Variants in KCND3 observed in about 807,000 individuals in gnomAD.
KCND3 encodes potassium voltage-gated channel subfamily D member 3.
KCND3 carries 9 observed loss-of-function variants against 51.1 expected under a neutral mutation model. That is an observed-to-expected ratio of 0.18 (90% CI 0.11 to 0.31). KCND3 has a LOEUF of 0.31. Ranked by LOEUF, KCND3 falls within the 10% of genes least tolerant of loss-of-function variation. The pLI, the probability that KCND3 is intolerant of heterozygous loss-of-function variation, is 1.00. For missense variants in KCND3, 526 were observed against 903.8 expected (o/e 0.58, Z 5.36); for synonymous variants, 349 against 368.0 (o/e 0.95, Z 0.59).
At position 111,855,643 on chromosome 1, in the gene KCND3, A is replaced by C. The variant is rs567869038; in HGVS notation, c.1107-68537T>G. Among the ~76,000 whole-genome samples the C allele has an allele frequency of 3.3e-5, 5 of 152,284 alleles. No individual in the cohort carries two copies. The South Asian group carries it at 1.0e-3, about 32-fold the overall frequency. Reference sequence around the variant, plus strand: ...GGTCAGAGTCAGCATCCTGTTCTCTATATGGGTCTAGGAGGACCATATCTC... The same window carrying C: ...GGTCAGAGTCAGCATCCTGTTCTCTCTATGGGTCTAGGAGGACCATATCTC... On this transcript the variant is annotated intron_variant, in intron 2 of 7. Transcript: ENST00000302127.
intron 2 of KCND3, among the ~76,000 whole-genome samples, chr1:111,925,014 G>A (rs189106751): frequency 7.9e-5 from 12 of 152,264 alleles, no homozygotes; most frequent in Admixed American, 7.2e-4. Flanking sequence ...ACCTATCCAG[G>A]GACTAGCACT....
intron 2 of KCND3, among the ~76,000 whole-genome samples, chr1:111,924,397 A>G (rs1382597355): frequency 6.6e-6 from 1 of 152,214 alleles, no homozygotes; most frequent in Admixed American, 6.5e-5. Flanking sequence ...CTGTTGAGAG[A>G]AGCAGAGATG....
intron 2 of KCND3, among the ~76,000 whole-genome samples, chr1:111,878,217 C>A (rs74109713): frequency 0.023 from 3,515 of 152,312 alleles, 152 homozygotes; most frequent in African/African-American, 0.081. Context: ...GACTAACAGG[C>A]AGAGAAGCAT....
chr1:111,868,092 C>A (rs1277049406), intron 2 of KCND3, among the ~76,000 whole-genome samples: 1 of 152,210 alleles, frequency 6.6e-6, no homozygotes, highest in Admixed American at 6.5e-5. Flanking sequence ...CAGTAGTCCC[C>A]ACTTATCTGC....
At chr1:111,786,046 C>T (rs1299280878) in intron 3 of KCND3, among the ~76,000 whole-genome samples, 1 of 152,218 alleles carries the variant, frequency 6.6e-6, no homozygotes, top group Non-Finnish European at 1.5e-5. Context: ...TGAGATGCTG[C>T]TGAAGGGGCA....
intron 2 of KCND3, among the ~76,000 whole-genome samples, chr1:111,820,696 G>C (rs1056582046): frequency 6.6e-6 from 1 of 152,206 alleles, no homozygotes; most frequent in Non-Finnish European, 1.5e-5. Context: ...TAGAAGCTAA[G>C]AAGGTGACCT....
At chr1:111,929,789 G>A (rs777453516) in intron 2 of KCND3, among the ~76,000 whole-genome samples, 19 of 152,164 alleles carry the variant, frequency 1.2e-4, no homozygotes, top group Admixed American at 3.3e-4. Context: ...CCCAGCAGAC[G>A]CACATTGTTC....
rs572809973 is a variant in KCND3, at chr1:111,794,346, T to C, written c.1107-7240A>G. 2.0e-5 allele frequency among the ~76,000 whole-genome samples: 3 copies of C among 152,334 alleles called. No individual in the cohort carries two copies. The East Asian group carries it at 5.8e-4, about 29-fold the overall frequency. Reference sequence around the variant, plus strand: ...CCAAGCTCCCCCATCCAGTTTTGCCTGCCTCTCAGGTGGGGGCACGGCTGC... The same window carrying C: ...CCAAGCTCCCCCATCCAGTTTTGCCCGCCTCTCAGGTGGGGGCACGGCTGC... On this transcript the variant is annotated intron_variant, in intron 2 of 7. Transcript: ENST00000302127.
intron 2 of KCND3, among the ~76,000 whole-genome samples, chr1:111,975,145 T>C (rs908616133): frequency 1.3e-5 from 2 of 152,176 alleles, no homozygotes; most frequent in Non-Finnish European, 1.5e-5. Flanking sequence ...TCAGTAAATG[T>C]TGCCCGGGTT....
chr1:111,982,682 C>T lies in KCND3; in HGVS notation c.45G>A (p.Ala15=). 1.2e-6 allele frequency: 2 copies of T among 1,610,364 alleles called. No homozygotes were observed. Among genetic ancestry groups the T allele is most frequent in the Non-Finnish European group, 8.5e-7 (1 of 1,179,720 alleles). ...VAAWLPFARA[A]AIGWMPVANC... is the part of the protein sequence containing the mutation. ...TGGCCACCGGCATCCACCCGATGGC[C>T]GCAGCCCGGGCAAAAGGCAGCCAGG... Residue 15 remains alanine, a synonymous_variant, in exon 2 of 8, where the codon GCG becomes GCA. Coordinates refer to ENST00000302127, the MANE Select transcript of KCND3 (RefSeq NM_001378969.1). This position sits in a 1 kb window ranked among gnomAD's most constrained non-coding sequence, Gnocchi z 8.5.
chr1:111,781,562 C>T (rs984016359), intron 3 of KCND3, among the ~76,000 whole-genome samples: 12 of 152,184 alleles, frequency 7.9e-5, no homozygotes, highest in African/African-American at 2.9e-4. Flanking sequence ...CGCTGTCACC[C>T]AGGCTGGTGT....
intron 2 of KCND3, among the ~76,000 whole-genome samples, chr1:111,821,575 C>T (rs1203016765): frequency 6.6e-6 from 1 of 152,188 alleles, no homozygotes; most frequent in Non-Finnish European, 1.5e-5. Context: ...CACAGGGTTG[C>T]TCTGGGATTT....
chr1:111,845,615 C>G lies in KCND3; in HGVS notation c.1107-58509G>C, dbSNP rs190579260. ...TCAGAGACCAAGGAGTCATCCCTGA[C>G]TTGTTGCTGTGAGCCACGTGTGGTT... On this transcript the variant is annotated intron_variant, in intron 2 of 7. Transcript: ENST00000302127. Among the ~76,000 whole-genome samples, 428 of 152,288 alleles carry G rather than the reference C, an allele frequency of 2.8e-3. 5 individuals carry two copies. The highest frequency in any genetic ancestry group is 9.9e-3 in the African/African-American group (412 of 41,576).
intron 2 of KCND3, among the ~76,000 whole-genome samples, chr1:111,974,211 G>C (rs1674500715): frequency 1.3e-5 from 2 of 152,186 alleles, no homozygotes; most frequent in Non-Finnish European, 1.5e-5. Flanking sequence ...GTCTGAACTT[G>C]TTCTGGAGGT....
At chr1:111,796,661 CTAA>C (rs1178700418) in intron 2 of KCND3, among the ~76,000 whole-genome samples, 2 of 152,200 alleles carry the variant, frequency 1.3e-5, no homozygotes, top group African/African-American at 4.8e-5. Flanking sequence ...GGAAAAATAA[CTAA>C]TGAGTACTAG....
rs1664307755 is a variant in KCND3 at position 111,780,167 on chromosome 1, C to G, written c.1461+58G>C. The G allele has an allele frequency of 6.8e-7, 1 of 1,475,546 alleles. No individual in the cohort carries two copies. The highest frequency in any genetic ancestry group is 9.3e-7 in the Non-Finnish European group (1 of 1,078,582). The allele number at this position is 1,475,546 out of a possible 1,614,324, so 91.4% of individuals were successfully genotyped here. On this transcript the variant is annotated intron_variant, in intron 5 of 7. Transcript: ENST00000302127. The surrounding 1 kb of genome is among the most constrained non-coding windows in gnomAD (Gnocchi z 4.2). The stretch of plus-strand genomic sequence containing the variant: ...GCCCAGAGTGAAGATGTGAGTACAG[C>G]CTTAGAAAAGGGTCAGGGTCAGCGA...
chr1:111,938,522 T>G (rs1571875177), intron 2 of KCND3, among the ~76,000 whole-genome samples: 1 of 152,140 alleles, frequency 6.6e-6, no homozygotes, highest in African/African-American at 2.4e-5. Context: ...ATAACTGCTA[T>G]GAAGAACAAC....
At chr1:111,956,587 G>A (rs1386410676) in intron 2 of KCND3, among the ~76,000 whole-genome samples, 1 of 152,144 alleles carries the variant, frequency 6.6e-6, no homozygotes, top group Non-Finnish European at 1.5e-5. Flanking sequence ...TTCTTTTTCT[G>A]ATGTGCGGCA....
intron 2 of KCND3, among the ~76,000 whole-genome samples, chr1:111,881,560 T>C (rs1214774057): frequency 6.6e-6 from 1 of 152,202 alleles, no homozygotes. Flanking sequence ...ATGAATCCTC[T>C]TTGTGCTATG....
Sources: allele counts gnomAD v4.1 joint callset (sites outside exome capture counted in the v4.1 genomes callset), GRCh38; gene constraint gnomAD v4.1.1; non-coding constraint Gnocchi (gnomAD v3.1); transcripts MANE v1.5; gene names NCBI Gene and HGNC (gene_info 2026-07-23, HGNC 2026-07-21).